Variants in FAM153A observed in about 807,000 individuals in gnomAD.
FAM153A encodes protein FAM153A.
In FAM153A, 12 loss-of-function variants were observed where a neutral mutation model predicts 48.1. The observed-to-expected ratio is 0.25, with a 90% CI of 0.16 to 0.40. FAM153A has a LOEUF of 0.40. Ranked by LOEUF, FAM153A falls within the 10% of genes least tolerant of loss-of-function variation. FAM153A has a pLI of 1.00. For synonymous variants in FAM153A, 36 were observed against 118.2 expected (o/e 0.30, Z 4.51); for missense variants, 111 against 345.8 (o/e 0.32, Z 5.38).
downstream of FAM153A, among the ~76,000 whole-genome samples, chr5:177,708,454 G>A (rs190978523): frequency 2.3e-4 from 35 of 152,058 alleles, 1 homozygote; most frequent in East Asian, 1.4e-3. Flanking sequence ...GCACATGCCT[G>A]TAATCCCAGC....
At chr5:177,716,997 G>GTGTGTGTGTGTA (rs1208702665) in intron 24 of FAM153A, among the ~76,000 whole-genome samples, 5 of 150,658 alleles carry the variant, frequency 3.3e-5, no homozygotes, top group Non-Finnish European at 7.4e-5. Context: ...GTGTGTGTGT[G>GTGTGTGTGTGTA]TGTAGAGTCT....
rs1224707897 is a variant in FAM153A, at chr5:177,772,282, C to T, written c.-57+8167G>A. On this transcript the variant is annotated intron_variant, in intron 1 of 8. Transcript: ENST00000393518. ...CAAGATGGCCGAATAGGAACAGCTC[C>T]GGTCTACAGCTCCCAGCGTGAGCGA... is the stretch of plus-strand genomic sequence containing the variant. 5.4e-5 allele frequency among the ~76,000 whole-genome samples: 5 copies of T among 92,382 alleles called. 1 individual carries two copies. Among genetic ancestry groups the T allele is most frequent in the African/African-American group, 1.3e-4 (3 of 22,944 alleles). The allele number at this position is 92,382 out of a possible 152,430, so 60.6% of individuals were successfully genotyped here.
At chr5:177,743,635 G>C (rs866574393) in intron 6 of FAM153A, among the ~76,000 whole-genome samples, 348 of 92,936 alleles carry the variant, frequency 3.7e-3, no homozygotes, top group African/African-American at 0.012. Flanking sequence ...GCTGCTCCAG[G>C]GTCTAAATGC....
intron 1 of FAM153A, among the ~76,000 whole-genome samples, chr5:177,752,799 A>G (rs1767164039): frequency 8.1e-6 from 1 of 122,998 alleles, no homozygotes; most frequent in African/African-American, 3.3e-5. Flanking sequence ...GTGGTGGCGG[A>G]TGCCTGTAAT....
At chr5:177,732,783 T>A (rs1269115444) in intron 14 of FAM153A, among the ~76,000 whole-genome samples, 9 of 134,782 alleles carry the variant, frequency 6.7e-5, no homozygotes, top group African/African-American at 2.0e-4. Flanking sequence ...GTGCTGGGGT[T>A]ACAGGCGTCA....
chr5:177,713,843 T>G (rs1483150081), exon 26 of FAM153A: 1 of 151,960 alleles, frequency 6.6e-6, no homozygotes, highest in African/African-American at 2.4e-5. Flanking sequence ...AGGGACTCCA[T>G]CGCCCGAGGA....
chr5:177,702,051 G>T, the FAM153A span, among the ~76,000 whole-genome samples: 2 of 151,684 alleles, frequency 1.3e-5, no homozygotes, highest in Admixed American at 1.3e-4. Flanking sequence ...GGGACTACAG[G>T]CGCCCGCCAT....
At chr5:177,706,219 CAG>C (rs1393257169), downstream of FAM153A, among the ~76,000 whole-genome samples, 4 of 151,564 alleles carry the variant, frequency 2.6e-5, no homozygotes, top group Middle Eastern at 3.4e-3. Flanking sequence ...GTTTTTGAGA[CAG>C]AGTCTTGCTC....
intron 10 of FAM153A, among the ~76,000 whole-genome samples, chr5:177,737,733 T>C (rs1764900612): frequency 6.6e-6 from 1 of 151,644 alleles, no homozygotes; most frequent in Admixed American, 6.6e-5. Context: ...TTGGTCAGCC[T>C]GGTTTCGAAC....
chr5:177,702,256 C>T, the FAM153A span, among the ~76,000 whole-genome samples: 4 of 151,788 alleles, frequency 2.6e-5, no homozygotes, highest in Non-Finnish European at 5.9e-5. Context: ...TGCATAGCTG[C>T]GTTGTGCCCC....
chr5:177,729,566 G>C lies in FAM153A; in HGVS notation c.863-11C>G. ...GGTCTTCCAGGTCACCTAGGAAACA[G>C]AGTCGCTATAAGCACATGAGCTCCA... On this transcript the variant is annotated splice_polypyrimidine_tract_variant and intron_variant, in intron 16 of 20. Transcript: ENST00000614127. The C allele has an allele frequency of 6.2e-7, 1 of 1,609,100 alleles. No homozygotes were observed. The highest frequency in any genetic ancestry group is 8.5e-7 in the Non-Finnish European group (1 of 1,179,612).
upstream of FAM153A, among the ~76,000 whole-genome samples, chr5:177,754,716 A>G (rs1335441969): frequency 3.9e-5 from 6 of 151,940 alleles, no homozygotes; most frequent in African/African-American, 1.5e-4. Flanking sequence ...GCTGACACCC[A>G]GGCAAACAAG....
the FAM153A span, among the ~76,000 whole-genome samples, chr5:177,702,919 A>G: frequency 6.6e-6 from 1 of 152,174 alleles, no homozygotes; most frequent in East Asian, 1.9e-4. Context: ...CTGCCCTAGT[A>G]GAGGTCCTCC....
At chr5:177,755,874 T>C (rs10040748), upstream of FAM153A, among the ~76,000 whole-genome samples, 79,825 of 142,900 alleles carry the variant, frequency 0.56, 23,162 homozygotes, top group Middle Eastern at 0.61. Flanking sequence ...CCAGCCACTG[T>C]AAAACCATGC....
chr5:177,730,556 C>G lies in FAM153A; in HGVS notation c.863-1001G>C, dbSNP rs1231740425. 9.9e-5 allele frequency among the ~76,000 whole-genome samples: 11 copies of G among 111,414 alleles called. 3 individuals are homozygous for G. The Admixed American group carries it at 1.1e-3, about 11-fold the overall frequency. The allele number at this position is 111,414 out of a possible 152,430, so 73.1% of individuals were successfully genotyped here. On this transcript the variant is annotated intron_variant, in intron 16 of 20. Transcript: ENST00000614127. ...CACTGCGCAATGTACCTACTCAAAC[C>G]CTGGGTTAGCTGACCATTGAGACCA...
At chr5:177,755,276 G>T (rs1045446329), upstream of FAM153A, among the ~76,000 whole-genome samples, 10 of 150,222 alleles carry the variant, frequency 6.7e-5, no homozygotes, top group African/African-American at 2.5e-4. Flanking sequence ...GAGAAGAGAA[G>T]TTTAGAGAAA....
downstream of FAM153A, chr5:177,710,956 C>T (rs1437495048): frequency 1.3e-5 from 2 of 151,900 alleles, no homozygotes; most frequent in South Asian, 2.1e-4. Flanking sequence ...AGCTGGGATA[C>T]ACATATTTAA....
chr5:177,734,186 C>T (rs1475921127), intron 14 of FAM153A, among the ~76,000 whole-genome samples, 194 bp downstream of exon 16: 1 of 116,326 alleles, frequency 8.6e-6, no homozygotes, highest in Non-Finnish European at 1.9e-5. Flanking sequence ...GAGAACACAG[C>T]TGCTCCCGGG....
At chr5:177,755,414 G>A (rs9799923), upstream of FAM153A, among the ~76,000 whole-genome samples, 11,577 of 151,884 alleles carry the variant, frequency 0.076, 527 homozygotes, top group Non-Finnish European at 0.09. Context: ...ACACTCTGCA[G>A]GATATTATCC....
Sources: gnomAD v4.1 joint callset for allele counts (sites outside exome capture counted in the v4.1 genomes callset) on GRCh38, gnomAD v4.1.1 for gene constraint, MANE v1.5 for transcripts, NCBI Gene and HGNC (gene_info 2026-07-23, HGNC 2026-07-21) for gene names.